The following R3HCC1L variants were observed in gnomAD, a reference collection of about 807,000 sequenced individuals.
R3HCC1L encodes R3H domain and coiled-coil containing 1 like.
R3HCC1L carries 51 observed loss-of-function variants against 59.9 expected under a neutral mutation model. The observed-to-expected ratio is 0.85, with a 90% CI of 0.68 to 1.07. The LOEUF (loss-of-function observed/expected upper bound fraction) is 1.07, where lower values mean the gene tolerates loss of function less well. R3HCC1L is among the 50% of genes least tolerant of loss of function. The pLI is 0.00. For missense variants in R3HCC1L, 965 were observed against 933.0 expected (o/e 1.03, Z -0.45); for synonymous variants, 322 against 315.2 (o/e 1.02, Z -0.23).
chr10:98,173,649 G>C lies in R3HCC1L; in HGVS notation c.-15+10252G>C, dbSNP rs569224793. 2.0e-5 allele frequency among the ~76,000 whole-genome samples: 3 copies of C among 152,186 alleles called. 1 individual carries two copies. The East Asian group carries it at 5.8e-4, about 29-fold the overall frequency. ...AGTGATTTACCTGACAGCGGGCTGT[G>C]ATAAATACCCCTAAGCAGAGTGGGC... On this transcript the variant is annotated intron_variant, in intron 4 of 9. Coordinates refer to ENST00000298999, the MANE Select transcript of R3HCC1L (RefSeq NM_001351015.2).
chr10:98,175,929 T>G (rs1396929956), intron 4 of R3HCC1L, among the ~76,000 whole-genome samples: 1 of 152,228 alleles, frequency 6.6e-6, no homozygotes, highest in Non-Finnish European at 1.5e-5. Flanking sequence ...TACATTTAGA[T>G]CTGTGATTCA....
intron 4 of R3HCC1L, among the ~76,000 whole-genome samples, chr10:98,166,825 C>T (rs1847990280): frequency 6.6e-6 from 1 of 152,144 alleles, no homozygotes; most frequent in Non-Finnish European, 1.5e-5. Flanking sequence ...GCCACCATGC[C>T]TGGCTAATTT....
At chr10:98,181,195 T>A (rs971340511) in intron 4 of R3HCC1L, among the ~76,000 whole-genome samples, 1 of 152,222 alleles carries the variant, frequency 6.6e-6, no homozygotes, top group Admixed American at 6.5e-5. Flanking sequence ...TGTTTGGTGC[T>A]TCCTTTAGGA....
chr10:98,207,983 C>G (rs868478738), intron 4 of R3HCC1L, 118 bp from the exon 5 acceptor site: 3 of 940,326 alleles, frequency 3.2e-6, no homozygotes, highest in Non-Finnish European at 4.7e-6. Flanking sequence ...TGAGATCGCT[C>G]CACTGTACTC....
At chr10:98,155,464 G>A (rs1846750663) in intron 1 of R3HCC1L, among the ~76,000 whole-genome samples, 1 of 152,084 alleles carries the variant, frequency 6.6e-6, no homozygotes, top group African/African-American at 2.4e-5. Context: ...TCTGTAGGAT[G>A]TTCTGTCCCT....
At chr10:98,215,609 A>C (rs1460521257) in intron 5 of R3HCC1L, among the ~76,000 whole-genome samples, 3 of 152,190 alleles carry the variant, frequency 2.0e-5, no homozygotes, top group African/African-American at 4.8e-5. Context: ...AGAATACATA[A>C]AAGAACCAAA....
At chr10:98,184,933 C>T (rs1204201450) in intron 4 of R3HCC1L, among the ~76,000 whole-genome samples, 1 of 152,122 alleles carries the variant, frequency 6.6e-6, no homozygotes, top group Non-Finnish European at 1.5e-5. Flanking sequence ...CCCATCTCTC[C>T]CTTTAAAATC....
chr10:98,227,049 C>T (rs1204554607), intron 5 of R3HCC1L, among the ~76,000 whole-genome samples: 1 of 152,186 alleles, frequency 6.6e-6, no homozygotes, highest in Admixed American at 6.5e-5. Context: ...AGAACATTCT[C>T]TTCTGCTTTC....
At chr10:98,168,981 C>T (rs905106916) in intron 4 of R3HCC1L, among the ~76,000 whole-genome samples, 1 of 152,136 alleles carries the variant, frequency 6.6e-6, no homozygotes, top group Non-Finnish European at 1.5e-5. Context: ...TGTTCCTCTC[C>T]TGACACCTGG....
Position 98,208,390 on chromosome 10 carries a change from A to G in R3HCC1L, c.276A>G (p.Leu92=), listed in dbSNP as rs761155634. The G allele has an allele frequency of 1.2e-6, 2 of 1,613,982 alleles. No homozygotes were observed. The highest frequency in any genetic ancestry group is 1.7e-6 in the Non-Finnish European group (2 of 1,179,990). The change falls in exon 5 of 10, where the codon TTA becomes TTG. Residue 92 remains leucine (L), a synonymous_variant. Coordinates refer to ENST00000298999, the MANE Select transcript of R3HCC1L (RefSeq NM_001351015.2). ...CREEKKSSTK[L]RMDTCLQKTN... ...AAGAAAAGAAATCTTCAACAAAATT[A>G]AGAATGGACACATGCCTTCAAAAAA...
At chr10:98,231,487 A>T in intron 5 of R3HCC1L, 25 bp from the exon 6 acceptor site, 1 of 1,600,390 alleles carries the variant, frequency 6.2e-7, no homozygotes, top group South Asian at 1.1e-5. Flanking sequence ...TGTAACCGGC[A>T]CTTAACGTGC....
chr10:98,179,316 A>G (rs757666130), intron 4 of R3HCC1L, among the ~76,000 whole-genome samples: 5 of 152,088 alleles, frequency 3.3e-5, no homozygotes, highest in Admixed American at 1.3e-4. Context: ...ATCTATTGAG[A>G]TAATCATGTG....
At chr10:98,151,634 G>T (rs1846170207) in intron 1 of R3HCC1L, among the ~76,000 whole-genome samples, 1 of 152,162 alleles carries the variant, frequency 6.6e-6, no homozygotes, top group African/African-American at 2.4e-5. Context: ...GAGACATAGA[G>T]ATATGTTTTT....
intron 4 of R3HCC1L, chr10:98,186,440 A>G: frequency 1.2e-6 from 1 of 809,462 alleles, no homozygotes; most frequent in Non-Finnish European, 1.5e-6. Flanking sequence ...ACTATATTTA[A>G]TCATATAATT....
intron 4 of R3HCC1L, among the ~76,000 whole-genome samples, chr10:98,171,686 A>C (rs1848526566): frequency 6.6e-6 from 1 of 152,336 alleles, no homozygotes; most frequent in Admixed American, 6.5e-5. Flanking sequence ...AAGTAAGCTT[A>C]GCAAAAGAGA....
Position 98,244,757 on chromosome 10 carries a change from G to A in R3HCC1L, c.*599G>A, listed in dbSNP as rs537944125. On this transcript the variant is annotated 3_prime_UTR_variant, in exon 10 of 10. Transcript: ENST00000298999. The stretch of plus-strand genomic sequence containing the variant: ...TATACTGAGCTCAGTGCCTGGGACC[G>A]CTCCAGCTGCACTGCAGCCAGGGGG... The A allele has an allele frequency of 4.3e-3, 661 of 152,466 alleles. 2 individuals are homozygous for A. Among genetic ancestry groups the A allele is most frequent in the Non-Finnish European group, 7.0e-3 (476 of 68,132 alleles). 9.4% of individuals were successfully genotyped at this position (152,466 alleles called of 1,614,324 possible).
intron 4 of R3HCC1L, among the ~76,000 whole-genome samples, chr10:98,206,438 T>G (rs185280475): frequency 6.6e-6 from 1 of 152,256 alleles, no homozygotes; most frequent in East Asian, 1.9e-4. Context: ...AATTTTAATT[T>G]TATAATTTTT....
chr10:98,162,277 G>T (rs1847501697), intron 2 of R3HCC1L, among the ~76,000 whole-genome samples: 1 of 152,070 alleles, frequency 6.6e-6, no homozygotes, highest in Admixed American at 6.6e-5. Context: ...AAATATCCTT[G>T]TAGAAGTCTA....
intron 4 of R3HCC1L, among the ~76,000 whole-genome samples, chr10:98,186,244 G>T (rs1417447169): frequency 6.6e-6 from 1 of 152,112 alleles, no homozygotes; most frequent in Non-Finnish European, 1.5e-5. Context: ...TGTAAGTCAT[G>T]GTAAATGAAC....
Sources: gnomAD v4.1 joint callset for allele counts (sites outside exome capture counted in the v4.1 genomes callset) on GRCh38, gnomAD v4.1.1 for gene constraint, MANE v1.5 for transcripts, NCBI Gene and HGNC (gene_info 2026-07-23, HGNC 2026-07-21) for gene names.